The following ITIH5 variants were observed in gnomAD, a reference collection of about 807,000 sequenced individuals.
ITIH5 encodes the protein inter-alpha-trypsin inhibitor heavy chain H5.
A neutral mutation model predicts 77.5 loss-of-function variants in ITIH5; 65 were observed. The ratio of observed to expected loss-of-function variants is 0.84; its 90% CI spans 0.69 to 1.03. The LOEUF is 1.03. Ranked by LOEUF, ITIH5 falls within the 50% of genes least tolerant of loss-of-function variation. ITIH5 has a pLI of 0.00. For synonymous variants in ITIH5, 525 were observed against 494.3 expected (o/e 1.06, Z -0.82); for missense variants, 1,208 against 1,213.1 (o/e 1.00, Z 0.06).
At chr10:7,642,596 C>T (rs1295498793) in intron 2 of ITIH5, among the ~76,000 whole-genome samples, 1 of 152,124 alleles carries the variant, frequency 6.6e-6, no homozygotes, top group Admixed American at 6.5e-5. Context: ...ATTACAGGCG[C>T]ATTACTGTGA....
chr10:7,568,926 C>T (rs1273316045), intron 12 of ITIH5, among the ~76,000 whole-genome samples: 13 of 151,880 alleles, frequency 8.6e-5, no homozygotes, highest in Admixed American at 2.6e-4. Context: ...TTGGCCTCCC[C>T]GGCATCACAG....
At chr10:7,565,355 A>G (rs1334266838) in intron 13 of ITIH5, among the ~76,000 whole-genome samples, 1 of 150,276 alleles carries the variant, frequency 6.7e-6, no homozygotes, top group Non-Finnish European at 1.5e-5. Context: ...ATACATATAT[A>G]TATACATACA....
intron 5 of ITIH5, among the ~76,000 whole-genome samples, chr10:7,627,339 A>T (rs145831922): frequency 0.099 from 15,055 of 151,328 alleles, 1,018 homozygotes; most frequent in Non-Finnish European, 0.14. Context: ...GTAAAAAAAA[A>T]AAAAAAAAAA....
rs201458820 is a variant in ITIH5 at position 7,656,925 on chromosome 10, G to T, written c.91-1250C>A. Among the ~76,000 whole-genome samples, 123 of 150,930 alleles carry T rather than the reference G, an allele frequency of 8.1e-4. No individual in the cohort carries two copies. In the East Asian group the frequency reaches 0.019, roughly 23 times the overall value. ...CGCCCCGCTAATTTTTGTATTTTTA[G>T]TAGAGATGGAGTTTCACCATGTTGG... On this transcript the variant is annotated intron_variant, in intron 1 of 13. Coordinates refer to ENST00000397146, the MANE Select transcript of ITIH5 (RefSeq NM_030569.7).
intron 9 of ITIH5, among the ~76,000 whole-genome samples, 190 bp downstream of exon 9, chr10:7,579,565 G>T (rs946875348): frequency 6.6e-6 from 1 of 152,054 alleles, no homozygotes; most frequent in African/African-American, 2.4e-5. Flanking sequence ...TCATAAAGGA[G>T]GATCAGAATT....
chr10:7,631,911 C>A (rs1473710186), intron 5 of ITIH5, among the ~76,000 whole-genome samples: 2 of 151,890 alleles, frequency 1.3e-5, no homozygotes, highest in Non-Finnish European at 2.9e-5. Context: ...CTCAGCCTCC[C>A]AAGTACCTGG....
Position 7,563,264 on chromosome 10 carries a change from C to A in ITIH5, c.2648G>T (p.Gly883Val), listed in dbSNP as rs1247931309. The change falls in exon 14 of 14, where the codon GGC becomes GTC. Residue 883 changes from glycine to valine, a missense_variant. Transcript: ENST00000397146. The part of the protein sequence containing the change: ...EGPEAVLTVK[G>V]HQVPVVWKQR... ...CTTCCAGACCACTGGGACTTGGTGG[C>A]CTTTCACTGTTAGGACGGCCTCAGG... 3 of 1,614,222 alleles carry A rather than the reference C, an allele frequency of 1.9e-6. No individual in the cohort carries two copies. The highest frequency in any genetic ancestry group is 1.1e-5 in the South Asian group (1 of 91,078).
chr10:7,622,412 T>C (rs1018149152), intron 5 of ITIH5: 1 of 152,196 alleles, frequency 6.6e-6, no homozygotes, highest in Non-Finnish European at 1.5e-5. Flanking sequence ...AGATCTCATA[T>C]GTAAGGTACC....
intron 11 of ITIH5, chr10:7,570,064 C>CTTTTTT: frequency 4.0e-6 from 1 of 251,404 alleles, no homozygotes; most frequent in Admixed American, 5.2e-5. Context: ...GACAACTAAG[C>CTTTTTT]TTTGAGAGGT....
intron 7 of ITIH5, among the ~76,000 whole-genome samples, chr10:7,608,728 C>A (rs1833182202): frequency 6.6e-6 from 1 of 152,236 alleles, no homozygotes; most frequent in South Asian, 2.1e-4. Flanking sequence ...CATCTGCACG[C>A]ACACTCGGAT....
intron 7 of ITIH5, among the ~76,000 whole-genome samples, chr10:7,596,621 C>G (rs1016411837): frequency 4.6e-5 from 7 of 152,180 alleles, no homozygotes; most frequent in African/African-American, 1.4e-4. Context: ...ACGCTGTTCT[C>G]CTGAGTGGCA....
At chr10:7,593,154 C>A (rs1253667229) in intron 7 of ITIH5, among the ~76,000 whole-genome samples, 2 of 152,078 alleles carry the variant, frequency 1.3e-5, no homozygotes, top group Non-Finnish European at 2.9e-5. Context: ...AATCTCTCTA[C>A]CCTCCTTCCC....
intron 10 of ITIH5, among the ~76,000 whole-genome samples, chr10:7,575,543 C>T (rs1321435810): frequency 1.3e-5 from 2 of 152,184 alleles, no homozygotes; most frequent in East Asian, 1.9e-4. Flanking sequence ...GCCAGGAATA[C>T]AATGCCCTGC....
Position 7,641,911 on chromosome 10 carries a change from C to A in ITIH5, c.299+16G>T, listed in dbSNP as rs766435223. The A allele has an allele frequency of 2.2e-5, 36 of 1,613,280 alleles. No individual in the cohort carries two copies. The highest frequency in any genetic ancestry group is 1.7e-6 in the Non-Finnish European group (2 of 1,179,540). ...CCTAGGCAGAAATCTTCATCCCTGACCAGCGTGTCACCTACATAGTGAAGT... is the reference window on the plus strand; with the variant it reads ...CCTAGGCAGAAATCTTCATCCCTGAACAGCGTGTCACCTACATAGTGAAGT... On this transcript the variant is annotated intron_variant, in intron 3 of 13. Coordinates refer to ENST00000397146, the MANE Select transcript of ITIH5 (RefSeq NM_030569.7).
Position 7,576,477 on chromosome 10 carries a change from C to G in ITIH5, c.1954G>C (p.Val652Leu), listed in dbSNP as rs142586039. ...CCTGGCTGCGTGCCAGCTCCTCGCACGCTCTGCACCACCGGTTCGGGTCCC... is the reference window on the plus strand; with the variant it reads ...CCTGGCTGCGTGCCAGCTCCTCGCAGGCTCTGCACCACCGGTTCGGGTCCC... ...AMGPEPVVQS[V>L]RGAGTQPGPL... is the part of the protein sequence containing the mutation. The change falls in exon 10 of 14, where the codon GTG becomes CTG. Residue 652 changes from valine (V) to leucine (L), a missense_variant. Val to Leu is a conservative substitution (Grantham distance 32). Coordinates refer to ENST00000397146, the MANE Select transcript of ITIH5 (RefSeq NM_030569.7). 3 of 1,603,008 alleles carry G rather than the reference C, an allele frequency of 1.9e-6. No individual in the cohort carries two copies. The highest frequency in any genetic ancestry group is 2.2e-5 in the East Asian group (1 of 44,716).
At chr10:7,646,678 G>C (rs1834014285) in intron 2 of ITIH5, among the ~76,000 whole-genome samples, 1 of 152,200 alleles carries the variant, frequency 6.6e-6, no homozygotes, top group Non-Finnish European at 1.5e-5. Context: ...GGCAGCCAAG[G>C]CTGGCATCTC....
intron 13 of ITIH5, among the ~76,000 whole-genome samples, chr10:7,563,684 G>A (rs892878147): frequency 2.6e-5 from 4 of 152,344 alleles, no homozygotes; most frequent in East Asian, 1.9e-4. Context: ...AGGACAGGAC[G>A]GGGCATATGA....
chr10:7,562,901 C>A lies in ITIH5; in HGVS notation c.*182G>T, dbSNP rs1004145913. Reference sequence around the variant, plus strand: ...GAAATGACATTTGCACTCAGGCTTCCCGCCCCTACCCACCCCTACCCTTCG... The same window carrying A: ...GAAATGACATTTGCACTCAGGCTTCACGCCCCTACCCACCCCTACCCTTCG... On this transcript the variant is annotated 3_prime_UTR_variant, in exon 14 of 14. Coordinates refer to ENST00000397146, the MANE Select transcript of ITIH5 (RefSeq NM_030569.7). The A allele has an allele frequency of 2.1e-5, 11 of 527,620 alleles. No homozygotes were observed. Among genetic ancestry groups the A allele is most frequent in the Admixed American group, 1.3e-4 (5 of 39,850 alleles). 32.7% of individuals were successfully genotyped at this position (527,620 alleles called of 1,614,324 possible). A position where few individuals can be genotyped will look rare whatever the true frequency, so the allele number is the denominator to read the frequency against.
intron 5 of ITIH5, among the ~76,000 whole-genome samples, chr10:7,629,189 A>G (rs1238815434): frequency 2.7e-5 from 3 of 110,044 alleles, no homozygotes; most frequent in East Asian, 2.5e-4. Context: ...GTGTTTTCAC[A>G]TGTGTCCCTG....
Sources: allele counts gnomAD v4.1 joint callset (sites outside exome capture counted in the v4.1 genomes callset), GRCh38; gene constraint gnomAD v4.1.1; transcripts MANE v1.5; gene names NCBI Gene and HGNC (gene_info 2026-07-23, HGNC 2026-07-21).